B3GAT2: variants seen among roughly 807,000 people sequenced by gnomAD.
B3GAT2 encodes beta-1,3-glucuronyltransferase 2.
In B3GAT2, 26 loss-of-function variants were observed where a neutral mutation model predicts 27.8. The observed-to-expected ratio is 0.93, with a 90% confidence interval of 0.68 to 1.30. The LOEUF is 1.30. Among genes scored for constraint, B3GAT2 ranks in the 50% most tolerant of loss-of-function variants. The pLI is 0.00. For synonymous variants in B3GAT2, 218 were observed against 195.1 expected (o/e 1.12, Z -0.98); for missense variants, 458 against 459.0 (o/e 1.00, Z 0.02).
intron 1 of B3GAT2, among the ~76,000 whole-genome samples, chr6:70,923,103 T>G (rs746416439): frequency 6.6e-6 from 1 of 152,248 alleles, no homozygotes. Context: ...TCTGTCATCA[T>G]TGTCATCAGC....
rs545301911 is a variant in B3GAT2 at position 70,945,284 on chromosome 6, G to A, written c.591+10555C>T. The stretch of plus-strand genomic sequence containing the variant: ...ACGTTCAAACTACTCCGAGCTACAG[G>A]AGGAAATTCAAGCCAAAGGCAAAGA... On this transcript the variant is annotated intron_variant, in intron 1 of 3. Coordinates refer to ENST00000230053, the MANE Select transcript of B3GAT2 (RefSeq NM_080742.3). Among the ~76,000 whole-genome samples the A allele has an allele frequency of 1.1e-4, 17 of 152,254 alleles. No homozygotes were observed. In the East Asian group the frequency reaches 1.9e-3, roughly 17 times the overall value.
At chr6:70,947,000 G>A (rs1027033540) in intron 1 of B3GAT2, among the ~76,000 whole-genome samples, 1 of 152,014 alleles carries the variant, frequency 6.6e-6, no homozygotes, top group Admixed American at 6.6e-5. Context: ...ATAACGAAAT[G>A]AAGGCAGAAA....
At chr6:70,952,581 G>C (rs143138012) in intron 1 of B3GAT2, among the ~76,000 whole-genome samples, 2 of 152,096 alleles carry the variant, frequency 1.3e-5, no homozygotes, top group African/African-American at 4.8e-5. Context: ...TTTCCAGAGA[G>C]GGAGATGGAT....
chr6:70,865,826 G>A (rs1771840023), intron 2 of B3GAT2, among the ~76,000 whole-genome samples: 1 of 152,106 alleles, frequency 6.6e-6, no homozygotes, highest in Admixed American at 6.6e-5. Context: ...CCAGACATTG[G>A]AAAAGAGGCA....
Position 70,857,898 on chromosome 6 carries a change from A to G in B3GAT2, c.*3765T>C. The stretch of plus-strand genomic sequence containing the variant: ...AACTACACGTGATAGCTCTGTCTTC[A>G]TTCATTTTCTTTTTGTGGTGCAGGT... On this transcript the variant is annotated 3_prime_UTR_variant, in exon 4 of 4. Coordinates refer to ENST00000230053, the MANE Select transcript of B3GAT2 (RefSeq NM_080742.3). 1 of 1,609,714 alleles carries G rather than the reference A, an allele frequency of 6.2e-7. No individual in the cohort carries two copies. Among genetic ancestry groups the G allele is most frequent in the South Asian group, 1.1e-5 (1 of 90,506 alleles).
intron 1 of B3GAT2, among the ~76,000 whole-genome samples, chr6:70,928,565 C>T (rs961600911): frequency 5.3e-5 from 8 of 152,158 alleles, no homozygotes; most frequent in African/African-American, 1.7e-4. Flanking sequence ...CACTTCTACA[C>T]AAATAAATTA....
intron 2 of B3GAT2, among the ~76,000 whole-genome samples, chr6:70,883,862 C>A (rs189598497): frequency 5.3e-4 from 80 of 152,102 alleles, no homozygotes; most frequent in African/African-American, 1.9e-3. Context: ...TGCTCAAATT[C>A]TCTTCTTGCT....
At position 70,891,669 on chromosome 6, in the gene B3GAT2, G is replaced by C. The variant is rs113251114; in HGVS notation, c.736+2459C>G. 8.5e-3 allele frequency among the ~76,000 whole-genome samples: 1,296 copies of C among 152,176 alleles called. 10 individuals carry two copies. The highest frequency in any genetic ancestry group is 0.014 in the Non-Finnish European group (945 of 68,022). ...CTCTTAATCCGCTTTGCAAATGCAA[G>C]ACAGACCCAGGCTCCAATATGGTGC... On this transcript the variant is annotated intron_variant, in intron 2 of 3. Coordinates refer to ENST00000230053, the MANE Select transcript of B3GAT2 (RefSeq NM_080742.3).
At position 70,860,619 on chromosome 6, in the gene B3GAT2, CAAT is replaced by C. The variant is rs149287583; in HGVS notation, c.*1041_*1043del. ...CAACTTGCAAAATCAGTTTTCCTCT[CAAT>C]AAAATTATAGCTCTAATGTTTGCAT... On this transcript the variant is annotated 3_prime_UTR_variant, in exon 4 of 4. Coordinates refer to ENST00000230053, the MANE Select transcript of B3GAT2 (RefSeq NM_080742.3). 1.9e-3 allele frequency: 812 copies of C among 432,330 alleles called. 8 individuals carry two copies. Among genetic ancestry groups the C allele is most frequent in the African/African-American group, 0.015 (750 of 49,516 alleles). 26.8% of individuals were successfully genotyped at this position (432,330 alleles called of 1,614,324 possible).
intron 2 of B3GAT2, among the ~76,000 whole-genome samples, chr6:70,865,765 C>T (rs1049478199): frequency 4.6e-5 from 7 of 152,202 alleles, no homozygotes; most frequent in Admixed American, 2.6e-4. Context: ...CTGGTTTTTC[C>T]TCACTTGTTT....
chr6:70,867,495 T>C (rs1279047226), intron 2 of B3GAT2, among the ~76,000 whole-genome samples: 1 of 152,132 alleles, frequency 6.6e-6, no homozygotes, highest in African/African-American at 2.4e-5. Context: ...AGATAGGTTC[T>C]ACAAACCTTA....
At chr6:70,945,467 G>T (rs970269985) in intron 1 of B3GAT2, among the ~76,000 whole-genome samples, 2 of 151,932 alleles carry the variant, frequency 1.3e-5, no homozygotes, top group Non-Finnish European at 2.9e-5. Context: ...GGAAGAAAGG[G>T]TATCAGTGAT....
In B3GAT2 at chr6:70,859,339, A is replaced by G; in HGVS notation, c.*2324T>C. On this transcript the variant is annotated 3_prime_UTR_variant, in exon 4 of 4. Coordinates refer to ENST00000230053, the MANE Select transcript of B3GAT2 (RefSeq NM_080742.3). ...GGCTCTTACTTCCAGATAATGCAGA[A>G]GGGTGATGCTGTTCTCCAGCACTCC... 4 of 1,548,108 alleles carry G rather than the reference A, an allele frequency of 2.6e-6. No homozygotes were observed. Among genetic ancestry groups the G allele is most frequent in the Non-Finnish European group, 3.5e-6 (4 of 1,145,918 alleles).
chr6:70,900,207 A>G (rs1245268607), intron 1 of B3GAT2, among the ~76,000 whole-genome samples: 1 of 152,228 alleles, frequency 6.6e-6, no homozygotes, highest in African/African-American at 2.4e-5. Flanking sequence ...ACTCACAGCC[A>G]GAGTAATCTC....
At chr6:70,902,734 T>C (rs1239937240) in intron 1 of B3GAT2, among the ~76,000 whole-genome samples, 1 of 150,954 alleles carries the variant, frequency 6.6e-6, no homozygotes, top group Non-Finnish European at 1.5e-5. Flanking sequence ...ATCCTGTAAT[T>C]TGCAACAACA....
intron 1 of B3GAT2, among the ~76,000 whole-genome samples, chr6:70,919,864 C>T (rs568342523): frequency 7.6e-4 from 115 of 152,316 alleles, no homozygotes; most frequent in Middle Eastern, 6.8e-3. Context: ...CAGGGACCCA[C>T]TTGAGGAGGT....
chr6:70,861,986 A>AAAAAT lies in B3GAT2; in HGVS notation c.737-13_737-9dup. On this transcript the variant is annotated splice_polypyrimidine_tract_variant and intron_variant, in intron 2 of 3. Transcript: ENST00000230053. ...GAAGACTTACAGCAAATCCTTTGTG[A>AAAAAT]AAAATAAAAAAAAAAAAGAGACTTT... The AAAAAT allele has an allele frequency of 6.4e-7, 1 of 1,569,448 alleles. No homozygotes were observed. Among genetic ancestry groups the AAAAAT allele is most frequent in the Non-Finnish European group, 8.6e-7 (1 of 1,163,144 alleles).
chr6:70,936,190 C>A (rs1444755561), intron 1 of B3GAT2, among the ~76,000 whole-genome samples: 1 of 152,058 alleles, frequency 6.6e-6, no homozygotes, highest in African/African-American at 2.4e-5. Context: ...ATCAATTCAA[C>A]AAGAAGAGCT....
At chr6:70,917,895 T>C (rs1472401004) in intron 1 of B3GAT2, among the ~76,000 whole-genome samples, 1 of 152,202 alleles carries the variant, frequency 6.6e-6, no homozygotes, top group African/African-American at 2.4e-5. Flanking sequence ...AGAAGAGTTC[T>C]GTAGATGTCT....
Sources: allele counts gnomAD v4.1 joint callset (sites outside exome capture counted in the v4.1 genomes callset), GRCh38; gene constraint gnomAD v4.1.1; transcripts MANE v1.5; gene names NCBI Gene and HGNC (gene_info 2026-07-23, HGNC 2026-07-21).